The following ADGRE1 variants were observed in gnomAD, a reference collection of about 807,000 sequenced individuals.
ADGRE1 encodes the protein adhesion G protein-coupled receptor E1.
ADGRE1 carries 82 observed loss-of-function variants against 102.7 expected under a neutral mutation model. That is an observed-to-expected ratio of 0.80 (90% CI 0.67 to 0.96). ADGRE1 has a LOEUF of 0.96. Among genes scored for constraint, ADGRE1 ranks in the 40% least tolerant of loss-of-function variants. The probability of loss-of-function intolerance (pLI) is 0.00; values close to 1 mark genes in which losing one functional copy is unlikely to be tolerated. For missense variants in ADGRE1, 1,032 were observed against 1,085.3 expected (o/e 0.95, Z 0.69); for synonymous variants, 398 against 399.6 (o/e 1.00, Z 0.05).
intron 8 of ADGRE1, among the ~76,000 whole-genome samples, chr19:6,905,892 C>G (rs1433808451): frequency 6.6e-6 from 1 of 152,104 alleles, no homozygotes; most frequent in East Asian, 1.9e-4. Context: ...CATTCTATCT[C>G]CTTGTATCCT....
intron 2 of ADGRE1, chr19:6,891,105 G>A (rs1275439628): frequency 1.3e-5 from 2 of 152,398 alleles, no homozygotes; most frequent in Non-Finnish European, 2.9e-5. Context: ...GCCAGTTGGA[G>A]ATAATTGAAT....
At chr19:6,905,597 C>T (rs943026792) in intron 8 of ADGRE1, among the ~76,000 whole-genome samples, 3 of 151,946 alleles carry the variant, frequency 2.0e-5, no homozygotes, top group African/African-American at 7.3e-5. Context: ...GTGATCCTCC[C>T]ACCTCAGCCT....
chr19:6,926,499 A>G lies in ADGRE1; in HGVS notation c.2120A>G (p.Asn707Ser), dbSNP rs1974918156. 6.2e-7 allele frequency: 1 copy of G among 1,614,242 alleles called. No individual in the cohort carries two copies. Among genetic ancestry groups the G allele is most frequent in the South Asian group, 1.1e-5 (1 of 91,080 alleles). The change falls in exon 16 of 21, where the codon AAC becomes AGC. Residue 707 changes from asparagine to serine, a missense_variant. By Grantham distance (46) the Asn-to-Ser change is conservative. Transcript: ENST00000312053. ...GTGGTGAATTACTTCAGCTCTCGCA[A>G]CATCAAGATGCTGCACATCTGTGCC... The part of the protein sequence containing the change: ...LKVVNYFSSR[N>S]IKMLHICAFG...
intron 11 of ADGRE1, 91 bp downstream of exon 11, chr19:6,913,921 A>G (rs1042522659): frequency 7.4e-7 from 1 of 1,348,404 alleles, no homozygotes. Context: ...TTTCCCACCC[A>G]TTCTTTCCCC....
chr19:6,936,684 A>G (rs1420336242), intron 18 of ADGRE1, among the ~76,000 whole-genome samples: 2 of 147,376 alleles, frequency 1.4e-5, no homozygotes, highest in African/African-American at 5.0e-5. Context: ...GGGCATTGGC[A>G]CGGTCTCGAC....
intron 11 of ADGRE1, 64 bp downstream of exon 11, chr19:6,913,894 A>G: frequency 6.7e-7 from 1 of 1,485,560 alleles, no homozygotes; most frequent in Non-Finnish European, 9.1e-7. Context: ...GACTTTGGCA[A>G]TGGGATATTC....
At chr19:6,939,572 A>G (rs1425693216) in intron 20 of ADGRE1, among the ~76,000 whole-genome samples, 1 of 152,074 alleles carries the variant, frequency 6.6e-6, no homozygotes, top group African/African-American at 2.4e-5. Context: ...TTGTATTTTC[A>G]TGGTTGCAAT....
At chr19:6,905,953 A>T (rs954834121) in intron 8 of ADGRE1, among the ~76,000 whole-genome samples, 6 of 152,180 alleles carry the variant, frequency 3.9e-5, no homozygotes, top group Admixed American at 3.3e-4. Context: ...TACTTAAAAA[A>T]ATATTTTCCC....
At chr19:6,923,439 T>G (rs1250565430) in intron 14 of ADGRE1, among the ~76,000 whole-genome samples, 1 of 152,216 alleles carries the variant, frequency 6.6e-6, no homozygotes, top group Non-Finnish European at 1.5e-5. Flanking sequence ...TAATATTCTC[T>G]TTTCAACAGA....
At chr19:6,926,627 A>C in intron 16 of ADGRE1, 26 bp downstream of exon 16, 1 of 1,610,832 alleles carries the variant, frequency 6.2e-7, no homozygotes. Flanking sequence ...TCTCTTCCTG[A>C]AGACCCTGCT....
At chr19:6,917,366 T>A (rs1032582916) in intron 12 of ADGRE1, among the ~76,000 whole-genome samples, 13 of 152,010 alleles carry the variant, frequency 8.6e-5, no homozygotes, top group Non-Finnish European at 1.9e-4. Context: ...TGGCTCTGTG[T>A]TGAAAAAAAG....
intron 2 of ADGRE1, among the ~76,000 whole-genome samples, chr19:6,892,273 T>C (rs1973407066): frequency 1.3e-5 from 2 of 152,166 alleles, no homozygotes; most frequent in Non-Finnish European, 1.5e-5. Context: ...CAAAACCAAA[T>C]GTGTAACAAA....
intron 6 of ADGRE1, among the ~76,000 whole-genome samples, chr19:6,903,493 C>G (rs1044292917): frequency 8.5e-5 from 13 of 152,200 alleles, no homozygotes; most frequent in African/African-American, 3.1e-4. Context: ...AGTTCAATCT[C>G]TCTCCATCTT....
intron 17 of ADGRE1, among the ~76,000 whole-genome samples, chr19:6,933,623 G>A (rs528026467): frequency 4.4e-4 from 67 of 152,210 alleles, no homozygotes; most frequent in Non-Finnish European, 7.4e-4. Flanking sequence ...CTGACCTCAG[G>A]TGATCCACCC....
Position 6,940,288 on chromosome 19 carries a change from A to C in ADGRE1, c.*259A>C. The C allele has an allele frequency of 1.8e-6, 1 of 566,076 alleles. No individual in the cohort carries two copies. The allele number at this position is 566,076 out of a possible 1,614,324, so 35.1% of individuals were successfully genotyped here. ...TCAATTCCAGAGTTTCTGAGAACAGACCCAAATTCAATGGCATGACCAAGA... is the reference window on the plus strand; with the variant it reads ...TCAATTCCAGAGTTTCTGAGAACAGCCCCAAATTCAATGGCATGACCAAGA... On this transcript the variant is annotated 3_prime_UTR_variant, in exon 21 of 21. Transcript: ENST00000312053.
At chr19:6,925,604 G>A (rs371368218) in intron 15 of ADGRE1, among the ~76,000 whole-genome samples, 2 of 152,142 alleles carry the variant, frequency 1.3e-5, no homozygotes, top group African/African-American at 4.8e-5. Context: ...AGCCCTCCAC[G>A]GCAGAGAATG....
At chr19:6,896,313 A>G in intron 2 of ADGRE1, 85 bp from the exon 3 acceptor site, 1 of 1,373,562 alleles carries the variant, frequency 7.3e-7, no homozygotes, top group Non-Finnish European at 1.0e-6. Context: ...CATAACAGTC[A>G]CCTCCACCCT....
chr19:6,934,851 C>T (rs1969069507), intron 17 of ADGRE1, 136 bp from the exon 18 acceptor site: 2 of 423,532 alleles, frequency 4.7e-6, no homozygotes, highest in African/African-American at 2.0e-5. Flanking sequence ...AAGAGATCCG[C>T]CCGCCTCAGC....
At chr19:6,901,113 C>G (rs748836661) in intron 5 of ADGRE1, among the ~76,000 whole-genome samples, 2 of 152,206 alleles carry the variant, frequency 1.3e-5, no homozygotes, top group African/African-American at 2.4e-5. Flanking sequence ...AGAGTATGCT[C>G]TTTCTTTTCA....
Sources: gnomAD v4.1 joint callset for allele counts (sites outside exome capture counted in the v4.1 genomes callset) on GRCh38, gnomAD v4.1.1 for gene constraint, MANE v1.5 for transcripts, NCBI Gene and HGNC (gene_info 2026-07-23, HGNC 2026-07-21) for gene names.